Variants in CRPPA observed in about 807,000 individuals in gnomAD.
CRPPA encodes CDP-L-ribitol pyrophosphorylase A.
In CRPPA, 43 loss-of-function variants were observed where a neutral mutation model predicts 52.0. The ratio of observed to expected loss-of-function variants is 0.83; its 90% confidence interval spans 0.65 to 1.07. The LOEUF is 1.07. Among genes scored for constraint, CRPPA ranks in the 50% least tolerant of loss-of-function variants. The pLI is 0.00. For missense variants in CRPPA, 629 were observed against 551.7 expected, an observed-to-expected ratio of 1.14 and a Z score of -1.40; for synonymous variants, 250 against 203.5, an observed-to-expected ratio of 1.23 and a Z score of -1.94.
At chr7:16,302,242 G>A (rs1233147062) in intron 4 of CRPPA, among the ~76,000 whole-genome samples, 4 of 140,154 alleles carry the variant, frequency 2.9e-5, no homozygotes, top group African/African-American at 5.5e-5. Context: ...CTTGCAGTGT[G>A]CCGAGATTGC....
At chr7:16,353,650 G>A (rs1386338145) in intron 3 of CRPPA, among the ~76,000 whole-genome samples, 4 of 152,118 alleles carry the variant, frequency 2.6e-5, no homozygotes, top group South Asian at 2.1e-4. Context: ...AGGAGTTTGA[G>A]ACCAGCCTGA....
At chr7:16,278,334 G>A (rs771848672) in intron 5 of CRPPA, 108 bp from the exon 6 acceptor site, 5 of 630,922 alleles carry the variant, frequency 7.9e-6, no homozygotes, top group Non-Finnish European at 1.4e-5. Flanking sequence ...ACCAAGAATA[G>A]GGAGGTTTTG....
chr7:16,248,183 A>G (rs1303371164), intron 8 of CRPPA: 1 of 152,132 alleles, frequency 6.6e-6, no homozygotes, highest in Non-Finnish European at 1.5e-5. Flanking sequence ...AAAAATAGAA[A>G]AAAAAATTAG....
chr7:16,267,428 T>C (rs1282073984), intron 6 of CRPPA, among the ~76,000 whole-genome samples: 1 of 152,230 alleles, frequency 6.6e-6, no homozygotes, highest in East Asian at 1.9e-4. Flanking sequence ...TTGATACTGA[T>C]ATAACTGATG....
chr7:16,117,585 C>T (rs564990988), intron 9 of CRPPA, among the ~76,000 whole-genome samples: 2 of 152,206 alleles, frequency 1.3e-5, no homozygotes, highest in Admixed American at 1.3e-4. Flanking sequence ...GAGCTACGTG[C>T]ACCCCAGTAC....
chr7:16,119,348 T>G (rs375685711), intron 9 of CRPPA, among the ~76,000 whole-genome samples: 2 of 151,738 alleles, frequency 1.3e-5, no homozygotes, highest in Admixed American at 6.6e-5. Flanking sequence ...CCATGTTCAT[T>G]TTCAGTGTTT....
At chr7:16,105,531 C>T (rs1409519774) in intron 9 of CRPPA, among the ~76,000 whole-genome samples, 5 of 152,112 alleles carry the variant, frequency 3.3e-5, no homozygotes, top group Admixed American at 3.3e-4. Context: ...GTCATGACTA[C>T]ACCACTTGGG....
chr7:16,165,147 A>C (rs1222309440), intron 9 of CRPPA, among the ~76,000 whole-genome samples: 1 of 150,622 alleles, frequency 6.6e-6, no homozygotes, highest in Non-Finnish European at 1.5e-5. Flanking sequence ...TTATAAGTCT[A>C]TTTTCTTACA....
At chr7:16,216,264 T>C (rs1428099235) in intron 8 of CRPPA, 67 bp from the exon 9 acceptor site, 3 of 1,034,212 alleles carry the variant, frequency 2.9e-6, no homozygotes, top group East Asian at 5.2e-5. Flanking sequence ...GGAAAAAACA[T>C]TAAAGAAGCT....
chr7:16,344,962 G>T (rs1262768969), intron 3 of CRPPA, among the ~76,000 whole-genome samples: 3 of 151,958 alleles, frequency 2.0e-5, no homozygotes, highest in Non-Finnish European at 2.9e-5. Context: ...ACTAAAAACT[G>T]CCCAATTTTG....
chr7:16,218,408 A>G (rs1782393312), intron 8 of CRPPA, among the ~76,000 whole-genome samples: 1 of 126,390 alleles, frequency 7.9e-6, no homozygotes, highest in African/African-American at 3.0e-5. Flanking sequence ...ACCAACTAAC[A>G]TCATAATGAC....
chr7:16,141,532 A>G (rs1411592312), intron 9 of CRPPA, among the ~76,000 whole-genome samples: 1 of 152,234 alleles, frequency 6.6e-6, no homozygotes, highest in East Asian at 1.9e-4. Flanking sequence ...TAATATGACT[A>G]TTAAAACATT....
intron 5 of CRPPA, among the ~76,000 whole-genome samples, chr7:16,288,149 G>A (rs954367452): frequency 3.9e-5 from 6 of 151,930 alleles, no homozygotes; most frequent in Non-Finnish European, 8.8e-5. Context: ...CCCAGACTTG[G>A]TACTTTGTTA....
chr7:16,308,193 T>C (rs1448894257), intron 4 of CRPPA, among the ~76,000 whole-genome samples: 1 of 152,164 alleles, frequency 6.6e-6, no homozygotes, highest in Non-Finnish European at 1.5e-5. Context: ...CATGAGCCAA[T>C]TAAACCTCAT....
At chr7:16,354,221 T>G (rs1462460418) in intron 3 of CRPPA, among the ~76,000 whole-genome samples, 1 of 152,176 alleles carries the variant, frequency 6.6e-6, no homozygotes, top group Non-Finnish European at 1.5e-5. Flanking sequence ...AAAAATAATT[T>G]AATTATTTTA....
chr7:16,167,564 G>A (rs144911032), intron 9 of CRPPA, among the ~76,000 whole-genome samples: 66 of 152,170 alleles, frequency 4.3e-4, no homozygotes, highest in African/African-American at 1.5e-3. Context: ...CCATTACCCT[G>A]GTCAGTGTAG....
chr7:16,271,680 T>C (rs1194426996), intron 6 of CRPPA, among the ~76,000 whole-genome samples: 1 of 152,188 alleles, frequency 6.6e-6, no homozygotes, highest in African/African-American at 2.4e-5. Context: ...AAATACCACA[T>C]CTGCCAAGAG....
At chr7:16,279,515 A>G (rs930446299) in intron 5 of CRPPA, among the ~76,000 whole-genome samples, 1 of 152,224 alleles carries the variant, frequency 6.6e-6, no homozygotes, top group African/African-American at 2.4e-5. Flanking sequence ...ATCCAAAAAA[A>G]TAAATCTGTA....
At chr7:16,397,083 T>C (rs17169453) in intron 2 of CRPPA, among the ~76,000 whole-genome samples, 15,491 of 152,136 alleles carry the variant, frequency 0.1, 929 homozygotes, top group South Asian at 0.24. Context: ...ACACATGACA[T>C]GGAAGACACA....
Sources: gnomAD v4.1 joint callset for allele counts (sites outside exome capture counted in the v4.1 genomes callset) on GRCh38, gnomAD v4.1.1 for gene constraint, MANE v1.5 for transcripts, NCBI Gene and HGNC (gene_info 2026-07-23, HGNC 2026-07-21) for gene names.